APOB: variants seen among roughly 807,000 people sequenced by gnomAD.
APOB encodes the protein apolipoprotein B-100.
In APOB, 153 loss-of-function variants were observed where a neutral mutation model predicts 314.1. That is an observed-to-expected ratio of 0.49 (90% confidence interval 0.43 to 0.56). The LOEUF is 0.56. APOB is among the 20% of genes least tolerant of loss of function. APOB has a pLI of 0.00. For missense variants in APOB, 5,430 were observed against 5,350.7 expected, an observed-to-expected ratio of 1.01 and a Z score of -0.46; for synonymous variants, 2,087 against 2,036.4, an observed-to-expected ratio of 1.02 and a Z score of -0.67.
In APOB at chr2:21,002,121, G is replaced by A; in HGVS notation, c.13301C>T (p.Ser4434Phe). 2 of 1,613,950 alleles carry A rather than the reference G, an allele frequency of 1.2e-6. No individual in the cohort carries two copies. Among genetic ancestry groups the A allele is most frequent in the Non-Finnish European group, 1.7e-6 (2 of 1,179,978 alleles). The change falls in exon 29 of 29, where the codon TCC becomes TTC. Residue 4434 changes from serine to phenylalanine, a missense_variant. Around this residue, in one of 3 missense-constraint regions of APOB, gnomAD observed 3,281 missense variants for 3,171.0 expected, o/e 1.03. Coordinates refer to ENST00000233242, the MANE Select transcript of APOB (RefSeq NM_000384.3). ...TTGCTCAACTTGACTTGAGAGTTGG[G>A]AAGTAAAGTTAGAGGCACTGACAAT... ...EYIVSASNFT[S>F]QLSSQVEQFL... is the part of the protein sequence containing the mutation.
intron 10 of APOB, among the ~76,000 whole-genome samples, chr2:21,031,874 C>A (rs531365089): frequency 8.0e-4 from 121 of 151,466 alleles, no homozygotes; most frequent in African/African-American, 2.6e-3. Context: ...CAAAAAAAAA[C>A]AAAACAAACA....
chr2:21,004,149 C>A, intron 28 of APOB, 120 bp downstream of exon 28: 2 of 1,039,938 alleles, frequency 1.9e-6, no homozygotes, highest in Non-Finnish European at 1.5e-6. Flanking sequence ...GAAGAAGTTG[C>A]TTACCGCCTG....
intron 24 of APOB, 119 bp downstream of exon 24, chr2:21,014,329 C>A: frequency 8.1e-7 from 1 of 1,229,810 alleles, no homozygotes; most frequent in Non-Finnish European, 1.1e-6. Flanking sequence ...AGTTATTAAT[C>A]TCCTTAAAAT....
In APOB at chr2:21,026,835, C is replaced by T. The variant is rs1800476; in HGVS notation, c.2197G>A (p.Val733Ile). The change falls in exon 15 of 29, where the codon GTC (valine) becomes ATC (isoleucine). Residue 733 changes from valine to isoleucine, a missense_variant. Transcript: ENST00000233242. ...NGQVPDGVSK[V>I]LVDHFGYTKD... is the part of the protein sequence containing the mutation. ...GTATAGCCAAAGTGGTCCACTAAGACCTTAGAGACACCATCAGGAACTTGA... is the reference window on the plus strand; with the variant it reads ...GTATAGCCAAAGTGGTCCACTAAGATCTTAGAGACACCATCAGGAACTTGA... 1.2e-6 allele frequency: 2 copies of T among 1,614,068 alleles called. No individual in the cohort carries two copies. Among genetic ancestry groups the T allele is most frequent in the Non-Finnish European group, 1.7e-6 (2 of 1,179,948 alleles).
At position 21,032,391 on chromosome 2, in the gene APOB, G is replaced by A. The variant is rs142066904; in HGVS notation, c.1315C>T (p.Arg439Ter). The A allele has an allele frequency of 3.5e-5, 57 of 1,613,780 alleles. No homozygotes were observed. The highest frequency in any genetic ancestry group is 4.7e-5 in the Non-Finnish European group (56 of 1,180,026). Residue 439 changes from arginine to a stop codon, truncating the protein, a stop_gained, in exon 10 of 29, where the codon CGA (arginine) becomes TGA (stop). Transcript: ENST00000233242. LOFTEE classifies it high-confidence loss of function. The stretch of plus-strand genomic sequence containing the variant: ...TGGCTCAGCGCATACAAGGTGGCTC[G>A]GCTGCGCTGATCCCTCGCCATGTTG... ...IFNMARDQRS[R>*]ATLYALSHAV... is the part of the protein sequence containing the mutation.
chr2:21,030,299 A>T (rs980903977), intron 10 of APOB, among the ~76,000 whole-genome samples: 2 of 152,228 alleles, frequency 1.3e-5, no homozygotes, highest in Non-Finnish European at 2.9e-5. Context: ...ATAAAGTCAC[A>T]TACTTACAGT....
intron 18 of APOB, among the ~76,000 whole-genome samples, chr2:21,020,594 G>T (rs188325530): frequency 6.6e-6 from 1 of 152,316 alleles, no homozygotes; most frequent in East Asian, 1.9e-4. Flanking sequence ...AGACTAAGAC[G>T]CTGGAGCCTC....
At chr2:21,014,200 T>C (rs1483756120) in intron 24 of APOB, among the ~76,000 whole-genome samples, 4 of 152,248 alleles carry the variant, frequency 2.6e-5, no homozygotes, top group Admixed American at 2.0e-4. Context: ...CAGGTTGTAC[T>C]GAATAAAATA....
In APOB at chr2:21,010,908, A is replaced by T. The variant is rs757079185; in HGVS notation, c.5960T>A (p.Phe1987Tyr). The T allele has an allele frequency of 6.2e-7, 1 of 1,613,998 alleles. No homozygotes were observed. Among genetic ancestry groups the T allele is most frequent in the South Asian group, 1.1e-5 (1 of 91,070 alleles). Residue 1987 changes from phenylalanine (F) to tyrosine (Y), a missense_variant, in exon 26 of 29, where the codon TTT (phenylalanine) becomes TAT (tyrosine). Physicochemically the swap from Phe to Tyr is conservative, Grantham distance 22 (BLOSUM62 3). Coordinates refer to ENST00000233242, the MANE Select transcript of APOB (RefSeq NM_000384.3). The part of the protein sequence containing the change: ...QTGTWKLKTQ[F>Y]NNNEYSQDLD... ...GTCCTGGCTGTATTCATTGTTGTTA[A>T]ATTGGGTCTTGAGTTTCCAGGTGCC...
intron 18 of APOB, among the ~76,000 whole-genome samples, chr2:21,020,564 A>G (rs2103367999): frequency 6.6e-6 from 1 of 152,330 alleles, no homozygotes; most frequent in South Asian, 2.1e-4. Flanking sequence ...AGCCTTCCAT[A>G]GAGTTGCGCA....
chr2:21,006,235 C>A lies in APOB; in HGVS notation c.10633G>T (p.Glu3545Ter), dbSNP rs759934326. ...TCTCCAGCAAAATTTTCTTTTACTT[C>A]AAGGTTCCAGATATCATCAATTTTG... ...TSKIDDIWNL[E>*]VKENFAGEAT... The change falls in exon 26 of 29, where the codon GAA becomes TAA. Residue 3545 changes from glutamate (E) to a stop codon, truncating the protein, a stop_gained. Coordinates refer to ENST00000233242, the MANE Select transcript of APOB (RefSeq NM_000384.3). LOFTEE classifies it high-confidence loss of function. 3 of 1,613,916 alleles carry A rather than the reference C, an allele frequency of 1.9e-6. No homozygotes were observed. The highest frequency in any genetic ancestry group is 2.5e-6 in the Non-Finnish European group (3 of 1,179,970).
chr2:21,008,622 G>T lies in APOB; in HGVS notation c.8246C>A (p.Thr2749Lys). 6.2e-7 allele frequency: 1 copy of T among 1,614,066 alleles called. No homozygotes were observed. The highest frequency in any genetic ancestry group is 8.5e-7 in the Non-Finnish European group (1 of 1,179,970). ...CTTGCCAAAAGTAGGTACTTCAATTGTGTGTGAGATGTGGGGAAGCTGGAA... is the reference window on the plus strand; with the variant it reads ...CTTGCCAAAAGTAGGTACTTCAATTTTGTGTGAGATGTGGGGAAGCTGGAA... ...PEFQLPHISHTIEVPTFGKLY... is the reference protein window; with the variant it reads ...PEFQLPHISHKIEVPTFGKLY... The change falls in exon 26 of 29, where the codon ACA (threonine) becomes AAA (lysine). Residue 2749 changes from threonine to lysine, a missense_variant. Thr to Lys is a moderately conservative substitution (Grantham distance 78). This residue lies in a region of APOB where 3,281 missense variants were observed against 3,171.0 expected (regional missense o/e 1.03). Coordinates refer to ENST00000233242, the MANE Select transcript of APOB (RefSeq NM_000384.3).
intron 4 of APOB, among the ~76,000 whole-genome samples, chr2:21,040,473 T>A (rs1180752573): frequency 2.0e-5 from 3 of 152,162 alleles, no homozygotes; most frequent in African/African-American, 4.8e-5. Context: ...GCAGCTGCAG[T>A]GGCCGATCAG....
chr2:21,022,392 A>G (rs1411101396), intron 18 of APOB, among the ~76,000 whole-genome samples: 1 of 152,212 alleles, frequency 6.6e-6, no homozygotes, highest in African/African-American at 2.4e-5. Flanking sequence ...CATTATCACG[A>G]GGTTAGGAGT....
intron 9 of APOB, 83 bp from the exon 10 acceptor site, chr2:21,032,664 A>G: frequency 9.0e-7 from 1 of 1,115,332 alleles, no homozygotes; most frequent in Non-Finnish European, 1.3e-6. Context: ...CTCTGCCAGG[A>G]GAGCCCTTAA....
At position 21,005,349 on chromosome 2, in the gene APOB, A is replaced by G. The variant is rs1002305500; in HGVS notation, c.11519T>C (p.Leu3840Pro). The change falls in exon 26 of 29, where the codon CTA becomes CCA. Residue 3840 changes from leucine (L) to proline (P), a missense_variant. Physicochemically the swap from Leu to Pro is moderately conservative, Grantham distance 98 (BLOSUM62 -3). Coordinates refer to ENST00000233242, the MANE Select transcript of APOB (RefSeq NM_000384.3). Reference sequence around the variant, plus strand: ...TGCGATCTTGTTGGCTACTGCATTTAGATCCAAAGCAGCAATGCCATCTGA... The same window carrying G: ...TGCGATCTTGTTGGCTACTGCATTTGGATCCAAAGCAGCAATGCCATCTGA... ...SVSDGIAALD[L>P]NAVANKIADF... 1 of 1,614,152 alleles carries G rather than the reference A, an allele frequency of 6.2e-7. No individual in the cohort carries two copies. Among genetic ancestry groups the G allele is most frequent in the Non-Finnish European group, 8.5e-7 (1 of 1,179,976 alleles).
At position 21,013,616 on chromosome 2, in the gene APOB, T is replaced by C. The variant is rs1663391828; in HGVS notation, c.3843-83A>G. On this transcript the variant is annotated intron_variant, in intron 24 of 28. Transcript: ENST00000233242. ...TCTGCCTCTGACCTTCACAACAATA[T>C]TGTACTTGCCCCATTCCCAAAGCCA... 7.6e-6 allele frequency: 12 copies of C among 1,583,922 alleles called. No individual in the cohort carries two copies. In the South Asian group the frequency reaches 1.3e-4, roughly 18 times the overall value.
At chr2:21,004,197 C>T in intron 28 of APOB, 72 bp downstream of exon 28, 1 of 1,533,578 alleles carries the variant, frequency 6.5e-7, no homozygotes, top group South Asian at 1.1e-5. Flanking sequence ...AATATTTGGT[C>T]CTGAATTAAA....
Position 21,041,059 on chromosome 2 carries a change from A to G in APOB, c.262T>C (p.Cys88Arg), listed in dbSNP as rs751831504. Residue 88 changes from cysteine to arginine, a missense_variant, in exon 4 of 29, where the codon TGC (cysteine) becomes CGC (arginine). Physicochemically the swap from Cys to Arg is radical, Grantham distance 180. This residue lies in a region of APOB where 2,085 missense variants were observed against 2,079.7 expected (regional missense o/e 1.00). Transcript: ENST00000233242. ...CKVELEVPQLCSFILKTSQCT... is the reference protein window; with the variant it reads ...CKVELEVPQLRSFILKTSQCT... ...TGGCTGGTCTTCAGGATGAAGCTGC[A>G]GAGCTGGGGAACCTCCAGCTCAACC... The G allele has an allele frequency of 2.5e-6, 4 of 1,612,656 alleles. No individual in the cohort carries two copies. In the South Asian group the frequency reaches 4.4e-5, roughly 18 times the overall value.
Sources: allele counts gnomAD v4.1 joint callset (sites outside exome capture counted in the v4.1 genomes callset), GRCh38; gene constraint gnomAD v4.1.1; regional missense constraint gnomAD v4.1.1; transcripts MANE v1.5; gene names NCBI Gene and HGNC (gene_info 2026-07-23, HGNC 2026-07-21).